Variants in MAGEC3 observed in about 807,000 individuals in gnomAD.
The protein encoded by MAGEC3 is melanoma-associated antigen C3.
A neutral mutation model predicts 35.3 loss-of-function variants in MAGEC3; 34 were observed. The ratio of observed to expected loss-of-function variants is 0.96; its 90% CI spans 0.73 to 1.28. The LOEUF is 1.28. Ranked by LOEUF, MAGEC3 falls within the 50% of genes most tolerant of loss-of-function variation. MAGEC3 has a pLI of 0.00. For missense variants in MAGEC3, 561 were observed against 483.6 expected, an observed-to-expected ratio of 1.16 and a Z score of -1.50; for synonymous variants, 202 against 185.6, an observed-to-expected ratio of 1.09 and a Z score of -0.72.
chrX:141,853,084 T>G (rs1169703728), intron 1 of MAGEC3, among the ~76,000 whole-genome samples: 2 of 111,608 alleles, frequency 1.8e-5, no homozygotes, highest in Non-Finnish European at 3.8e-5. Flanking sequence ...ATCTCTTTAT[T>G]TATTACAGGT....
At chrX:141,881,071 A>G (rs1213611861) in intron 3 of MAGEC3, among the ~76,000 whole-genome samples, 1 of 112,386 alleles carries the variant, frequency 8.9e-6, no homozygotes, top group Non-Finnish European at 1.9e-5. Context: ...ACAGGATTCC[A>G]CAGAGGAGGA....
At position 141,879,244 on chromosome X, in the gene MAGEC3, G is replaced by A; in HGVS notation, c.328G>A (p.Gly110Arg). ...CTTGCATTTTGGGAGTCAGCCGGAG[G>A]GGAAGTTTTCTCTGAGGAGGGCAGT... The part of the protein sequence containing the change: ...SDLHFGSQPE[G>R]KFSLRRAVSV... The change falls in exon 3 of 8, where the codon GGG (glycine) becomes AGG (arginine). Residue 110 changes from glycine (G) to arginine (R), a missense_variant. By Grantham distance (125) the Gly-to-Arg change is moderately radical. Transcript: ENST00000298296. The A allele has an allele frequency of 8.3e-7, 1 of 1,205,605 alleles. No individual in the cohort carries two copies. The highest frequency in any genetic ancestry group is 1.1e-6 in the Non-Finnish European group (1 of 892,098).
At chrX:141,867,744 CA>C (rs1286689066) in intron 2 of MAGEC3, among the ~76,000 whole-genome samples, 1 of 94,538 alleles carries the variant, frequency 1.1e-5, no homozygotes, top group African/African-American at 3.4e-5. Flanking sequence ...AGTCCTCCTG[CA>C]AATAGTAGAG....
At chrX:141,861,882 G>T (rs781322178) in intron 1 of MAGEC3, among the ~76,000 whole-genome samples, 59 of 111,952 alleles carry the variant, frequency 5.3e-4, no homozygotes, top group Non-Finnish European at 1.0e-3. Context: ...GGCAAAGATT[G>T]TATGGCTAAG....
At chrX:141,839,740 C>A in intron 1 of MAGEC3, 1 of 741,958 alleles carries the variant, frequency 1.3e-6, no homozygotes, top group South Asian at 6.9e-5. Flanking sequence ...TGGATCATTA[C>A]TTACTGTTCT....
At position 141,879,331 on chromosome X, in the gene MAGEC3, A is replaced by G; in HGVS notation, c.415A>G (p.Lys139Glu). 2 of 1,203,414 alleles carry G rather than the reference A, an allele frequency of 1.7e-6. No individual in the cohort carries two copies. The highest frequency in any genetic ancestry group is 2.2e-6 in the Non-Finnish European group (2 of 891,195). Residue 139 changes from lysine to glutamate, a missense_variant, in exon 3 of 8, where the codon AAG becomes GAG. By Grantham distance (56) the Lys-to-Glu change is moderately conservative. Transcript: ENST00000298296. ...ACTCAACGAGAAGAGAACTCTGTGG[A>G]AGGACAGTGACCTTCCAACATGGAG... ...WPLNEKRTLW[K>E]DSDLPTWRRG...
intron 1 of MAGEC3, among the ~76,000 whole-genome samples, chrX:141,862,754 A>G (rs1439954070): frequency 8.9e-6 from 1 of 112,284 alleles, no homozygotes; most frequent in Admixed American, 9.4e-5. Context: ...AAAAAGTGGA[A>G]TGACGGACAC....
intron 1 of MAGEC3, among the ~76,000 whole-genome samples, chrX:141,859,279 T>C (rs1202673354): frequency 9.0e-6 from 1 of 111,379 alleles, no homozygotes; most frequent in Non-Finnish European, 1.9e-5. Flanking sequence ...TTTTGATTTG[T>C]ATTTCCACCA....
At chrX:141,864,337 T>G (rs375112665) in intron 1 of MAGEC3, among the ~76,000 whole-genome samples, 2 of 102,663 alleles carry the variant, frequency 1.9e-5, no homozygotes, top group African/African-American at 3.8e-5. Context: ...AAAAAAAAAT[T>G]AAAATGAAAA....
chrX:141,896,495 G>C, intron 6 of MAGEC3: 1 of 1,183,017 alleles, frequency 8.5e-7, no homozygotes. Flanking sequence ...ACCACCTTAA[G>C]AGAAGAAGAG....
chrX:141,853,235 A>C (rs189197132), intron 1 of MAGEC3, among the ~76,000 whole-genome samples: 1 of 111,591 alleles, frequency 9.0e-6, no homozygotes, highest in Non-Finnish European at 1.9e-5. Flanking sequence ...TAAGTGGCAA[A>C]GCTAGGTTCC....
rs2018080470 is a variant in MAGEC3, at chrX:141,895,349, C to G, written c.990C>G (p.Cys330Trp). ...AGTCTGAAGGACCTGAAGCATTTTG[C>G]GAGGAGTCTGGACTCAGGTCAGCAG... The part of the protein sequence containing the change: ...LWESEGPEAF[C>W]EESGLRSAEG... The change falls in exon 5 of 8, where the codon TGC becomes TGG. Residue 330 changes from cysteine (C) to tryptophan (W), a missense_variant. By Grantham distance (215) the Cys-to-Trp change is radical. Transcript: ENST00000298296. The G allele has an allele frequency of 2.5e-6, 3 of 1,210,759 alleles. No homozygotes were observed. Among genetic ancestry groups the G allele is most frequent in the Middle Eastern group, 2.3e-4 (1 of 4,353 alleles).
chrX:141,872,366 T>C (rs2017893687), intron 2 of MAGEC3, among the ~76,000 whole-genome samples: 2 of 111,380 alleles, frequency 1.8e-5, no homozygotes, highest in African/African-American at 3.3e-5. Context: ...GGATTGTTTG[T>C]GACCCATGTG....
chrX:141,869,007 G>A (rs1169233782), intron 2 of MAGEC3, among the ~76,000 whole-genome samples: 1 of 108,881 alleles, frequency 9.2e-6, no homozygotes, highest in African/African-American at 3.3e-5. Flanking sequence ...TCAGCCTCCC[G>A]AGTAGCTGCG....
intron 2 of MAGEC3, among the ~76,000 whole-genome samples, chrX:141,872,890 G>A (rs1039491788): frequency 8.9e-6 from 1 of 111,968 alleles, no homozygotes; most frequent in African/African-American, 3.3e-5. Context: ...TGAGAGAAAA[G>A]ATGGGGTGGG....
At chrX:141,895,668 C>T in intron 6 of MAGEC3, 109 bp downstream of exon 6, 2 of 629,654 alleles carry the variant, frequency 3.2e-6, no homozygotes, top group Admixed American at 4.7e-5. Context: ...CATATCAGCC[C>T]TCGTAGAGCT....
At chrX:141,843,811 G>A (rs2017700315) in intron 1 of MAGEC3, among the ~76,000 whole-genome samples, 1 of 110,573 alleles carries the variant, frequency 9.0e-6, no homozygotes, top group South Asian at 3.8e-4. Context: ...ATTCAAAAGA[G>A]TATATATAAG....
intron 2 of MAGEC3, among the ~76,000 whole-genome samples, chrX:141,872,680 G>A (rs2017895914): frequency 9.1e-6 from 1 of 110,249 alleles, no homozygotes; most frequent in African/African-American, 3.3e-5. Context: ...CACATGAGGA[G>A]GAGAGAGAGA....
intron 2 of MAGEC3, among the ~76,000 whole-genome samples, chrX:141,874,309 G>A (rs62611961): frequency 0.095 from 10,545 of 111,061 alleles, 475 homozygotes; most frequent in Non-Finnish European, 0.14. Context: ...ACTATGGTTC[G>A]AGAAAACTTC....
Sources: gnomAD v4.1 joint callset for allele counts (sites outside exome capture counted in the v4.1 genomes callset) on GRCh38, gnomAD v4.1.1 for gene constraint, MANE v1.5 for transcripts, NCBI Gene and HGNC (gene_info 2026-07-23, HGNC 2026-07-21) for gene names.